Variants in FBXO22 observed in about 807,000 individuals in gnomAD.
FBXO22 encodes F-box only protein 22.
In FBXO22, 13 loss-of-function variants were observed where a neutral mutation model predicts 37.2. That is an observed-to-expected ratio of 0.35 (90% CI 0.23 to 0.56). The LOEUF (loss-of-function observed/expected upper bound fraction) is 0.56. FBXO22 is among the 20% of genes least tolerant of loss of function. The pLI, the probability that FBXO22 is intolerant of heterozygous loss-of-function variation, is 0.87. For synonymous variants in FBXO22, 189 were observed against 189.1 expected (o/e 1.00, Z 0.00); for missense variants, 446 against 509.9 (o/e 0.87, Z 1.21).
chr15:75,942,149 T>G lies in FBXO22; in HGVS notation c.*9047T>G, dbSNP rs2031052748. ...GTTAGTAAAGACTGGTTGCCAGAGG[T>G]TCAGTGGGAGAGAGGGAGGGGTAAA... On this transcript the variant is annotated 3_prime_UTR_variant, in exon 7 of 7. Coordinates refer to ENST00000308275, the MANE Select transcript of FBXO22 (RefSeq NM_147188.3). 1 of 151,844 alleles carries G rather than the reference T, an allele frequency of 6.6e-6. No homozygotes were observed. Among genetic ancestry groups the G allele is most frequent in the African/African-American group, 2.4e-5 (1 of 41,372 alleles). The allele number at this position is 151,844 out of a possible 1,614,324, so 9.4% of individuals were successfully genotyped here. A position where few individuals can be genotyped will look rare whatever the true frequency, so the allele number is the denominator to read the frequency against.
chr15:75,925,118 C>T (rs1198423013), intron 5 of FBXO22, among the ~76,000 whole-genome samples: 4 of 152,114 alleles, frequency 2.6e-5, no homozygotes, highest in African/African-American at 9.7e-5. Flanking sequence ...TCAGTAGGCA[C>T]AGTTCTTTCT....
chr15:75,912,420 G>T (rs1900079886), intron 2 of FBXO22, among the ~76,000 whole-genome samples: 1 of 152,082 alleles, frequency 6.6e-6, no homozygotes, highest in Non-Finnish European at 1.5e-5. Context: ...TGGTTGGTAG[G>T]CTATTAATTA....
rs1204324749 is a variant in FBXO22, at chr15:75,938,480, A to ATACTT, written c.*5381_*5385dup. 8 of 152,242 alleles carry ATACTT rather than the reference A, an allele frequency of 5.3e-5. No individual in the cohort carries two copies. The highest frequency in any genetic ancestry group is 1.7e-4 in the African/African-American group (7 of 41,464). 9.4% of individuals were successfully genotyped at this position (152,242 alleles called of 1,614,324 possible). ...TAATGAAGGACATTAAACTAGACATATACTTTAACTCAAATATGCCCAAAG... is the reference window on the plus strand; with the variant it reads ...TAATGAAGGACATTAAACTAGACATATACTTTACTTTAACTCAAATATGCCCAAAG... On this transcript the variant is annotated 3_prime_UTR_variant, in exon 7 of 7. Coordinates refer to ENST00000308275, the MANE Select transcript of FBXO22 (RefSeq NM_147188.3).
rs575075755 is a variant in FBXO22, at chr15:75,941,778, T to G, written c.*8676T>G. 7 of 152,180 alleles carry G rather than the reference T, an allele frequency of 4.6e-5. No individual in the cohort carries two copies. The highest frequency in any genetic ancestry group is 1.3e-4 in the Admixed American group (2 of 15,280). The allele number at this position is 152,180 out of a possible 1,614,324, so 9.4% of individuals were successfully genotyped here. The stretch of plus-strand genomic sequence containing the variant: ...CAGGAGGGAATGGGAATTTATTGTT[T>G]AAGGGGCACAGAGATTAGTGTGGGA... On this transcript the variant is annotated 3_prime_UTR_variant, in exon 7 of 7. Coordinates refer to ENST00000308275, the MANE Select transcript of FBXO22 (RefSeq NM_147188.3).
intron 4 of FBXO22, 78 bp downstream of exon 4, chr15:75,914,283 T>C: frequency 1.1e-6 from 1 of 941,524 alleles, no homozygotes; most frequent in Non-Finnish European, 1.7e-6. Context: ...TATTTTTAGC[T>C]TAGAACCACA....
chr15:75,912,452 T>C (rs111475770), intron 2 of FBXO22, among the ~76,000 whole-genome samples: 2,575 of 152,262 alleles, frequency 0.017, 62 homozygotes, highest in African/African-American at 0.055. Context: ...TCAGAACTTG[T>C]TATTGGTCTA....
At position 75,906,035 on chromosome 15, in the gene FBXO22, T is replaced by C. The variant is rs139502637; in HGVS notation, c.279+1406T>C. ...ATATCTGTACACTCTCGGAGTCTTA[T>C]TTAATTCAGTGGGATATAATCTGTT... On this transcript the variant is annotated intron_variant, in intron 2 of 6. Transcript: ENST00000308275. 3.8e-3 allele frequency among the ~76,000 whole-genome samples: 585 copies of C among 152,356 alleles called. 3 individuals are homozygous for C. Among genetic ancestry groups the C allele is most frequent in the African/African-American group, 0.013 (541 of 41,592 alleles).
At chr15:75,907,936 T>C (rs552782243) in intron 2 of FBXO22, among the ~76,000 whole-genome samples, 188 of 152,000 alleles carry the variant, frequency 1.2e-3, no homozygotes, top group African/African-American at 4.4e-3. Flanking sequence ...AGAGTGAGAC[T>C]GTGTCTCAAA....
At chr15:75,904,182 G>C (rs1899865259) in intron 1 of FBXO22, 79 bp downstream of exon 1, 2 of 1,460,782 alleles carry the variant, frequency 1.4e-6, no homozygotes, top group South Asian at 2.7e-5. Flanking sequence ...GGTGGGGGGA[G>C]AGACCCTTGG....
At chr15:75,927,984 A>C (rs1417058269) in intron 5 of FBXO22, among the ~76,000 whole-genome samples, 1 of 152,228 alleles carries the variant, frequency 6.6e-6, no homozygotes, top group Non-Finnish European at 1.5e-5. Context: ...ACATGCGGCC[A>C]ACAATCATAG....
rs1379836307 is a variant in FBXO22 at position 75,941,387 on chromosome 15, T to C, written c.*8285T>C. 3 of 152,210 alleles carry C rather than the reference T, an allele frequency of 2.0e-5. No individual in the cohort carries two copies. The highest frequency in any genetic ancestry group is 4.8e-5 in the African/African-American group (2 of 41,460). 9.4% of individuals were successfully genotyped at this position (152,210 alleles called of 1,614,324 possible). On this transcript the variant is annotated 3_prime_UTR_variant, in exon 7 of 7. Transcript: ENST00000308275. Reference sequence around the variant, plus strand: ...AGTATGGTGATTTTCCAATTAAATATAGAATTGTCATTTGATTCAGCAATT... The same window carrying C: ...AGTATGGTGATTTTCCAATTAAATACAGAATTGTCATTTGATTCAGCAATT...
At chr15:75,904,246 C>T (rs1024904324) in intron 1 of FBXO22, 143 bp downstream of exon 1, 99 of 1,244,712 alleles carry the variant, frequency 8.0e-5, no homozygotes, top group Non-Finnish European at 9.8e-5. Context: ...GACCCCCTAC[C>T]CGCGAGGTAT....
chr15:75,917,196 C>G (rs1227612104), intron 4 of FBXO22, 34 bp from the exon 5 acceptor site: 4 of 1,536,016 alleles, frequency 2.6e-6, no homozygotes, highest in Non-Finnish European at 3.6e-6. Flanking sequence ...TTTTTACTGA[C>G]TCTATTGGTG....
At chr15:75,913,716 A>C (rs918872721) in intron 3 of FBXO22, among the ~76,000 whole-genome samples, 1 of 152,210 alleles carries the variant, frequency 6.6e-6, no homozygotes, top group African/African-American at 2.4e-5. Flanking sequence ...TCAGGTCCCA[A>C]GTTAGACTTA....
chr15:75,935,868 A>G lies in FBXO22; in HGVS notation c.*2766A>G, dbSNP rs1030781682. 6.6e-6 allele frequency: 1 copy of G among 151,954 alleles called. No homozygotes were observed. The highest frequency in any genetic ancestry group is 2.4e-5 in the African/African-American group (1 of 41,334). The allele number at this position is 151,954 out of a possible 1,614,324, so 9.4% of individuals were successfully genotyped here. ...AATGGCACAATCTTGGCTCACTGCAAGCTCCGCCTCCCAGGTTCACGCCAT... is the reference window on the plus strand; with the variant it reads ...AATGGCACAATCTTGGCTCACTGCAGGCTCCGCCTCCCAGGTTCACGCCAT... On this transcript the variant is annotated 3_prime_UTR_variant, in exon 7 of 7. Coordinates refer to ENST00000308275, the MANE Select transcript of FBXO22 (RefSeq NM_147188.3).
intron 2 of FBXO22, among the ~76,000 whole-genome samples, chr15:75,911,975 G>C (rs1026683335): frequency 2.0e-5 from 3 of 150,720 alleles, no homozygotes; most frequent in Admixed American, 1.3e-4. Context: ...TAGCATGAAG[G>C]GGTGTTGAAT....
In FBXO22 at chr15:75,939,358, C is replaced by T. The variant is rs2030703625; in HGVS notation, c.*6256C>T. 6.6e-6 allele frequency: 1 copy of T among 151,908 alleles called. No individual in the cohort carries two copies. The highest frequency in any genetic ancestry group is 1.5e-5 in the Non-Finnish European group (1 of 68,014). The allele number at this position is 151,908 out of a possible 1,614,324, so 9.4% of individuals were successfully genotyped here. On this transcript the variant is annotated 3_prime_UTR_variant, in exon 7 of 7. Transcript: ENST00000308275. ...CCTAGAAATGCAAAACGTACTACTG[C>T]TGAACTATGAAAAAAATTTAAAAAT...
At chr15:75,932,280 CGGG>C (rs140854350) in intron 6 of FBXO22, among the ~76,000 whole-genome samples, 3,986 of 152,188 alleles carry the variant, frequency 0.026, 75 homozygotes, top group Non-Finnish European at 0.042. Context: ...CAGCTGAAGT[CGGG>C]GGGAAGAGAT....
At position 75,907,858 on chromosome 15, in the gene FBXO22, G is replaced by T. The variant is rs141159167; in HGVS notation, c.279+3229G>T. Among the ~76,000 whole-genome samples, 91 of 152,122 alleles carry T rather than the reference G, an allele frequency of 6.0e-4. 3 individuals are homozygous for T. In the East Asian group the frequency reaches 0.016, roughly 26 times the overall value. On this transcript the variant is annotated intron_variant, in intron 2 of 6. Coordinates refer to ENST00000308275, the MANE Select transcript of FBXO22 (RefSeq NM_147188.3). ...CTTGGGTAGCTGAGGTACCAGAATC[G>T]CTTGAACCAGGGAGATGGAGTTTGC...
Sources: allele counts gnomAD v4.1 joint callset (sites outside exome capture counted in the v4.1 genomes callset), GRCh38; gene constraint gnomAD v4.1.1; transcripts MANE v1.5; gene names NCBI Gene and HGNC (gene_info 2026-07-23, HGNC 2026-07-21).